Variants in SH3TC1 observed in about 807,000 individuals in gnomAD.
The protein encoded by SH3TC1 is SH3 domain and tetratricopeptide repeat-containing protein 1.
Under a neutral mutation model 117.3 loss-of-function variants are expected in SH3TC1, and 135 were observed. The ratio of observed to expected loss-of-function variants is 1.15; its 90% CI spans 1.00 to 1.33. The LOEUF (loss-of-function observed/expected upper bound fraction) is 1.33, where lower values mean the gene tolerates loss of function less well. Among genes scored for constraint, SH3TC1 ranks in the 40% most tolerant of loss-of-function variants. SH3TC1 has a pLI of 0.00. For missense variants in SH3TC1, 2,092 were observed against 1,794.3 expected, an observed-to-expected ratio of 1.17 and a Z score of -3.00; for synonymous variants, 898 against 816.9, an observed-to-expected ratio of 1.10 and a Z score of -1.69.
rs1421425859 is a variant in SH3TC1 at position 8,225,585 on chromosome 4, A to G, written c.1285+369A>G. 6.6e-6 allele frequency among the ~76,000 whole-genome samples: 1 copy of G among 152,114 alleles called. No individual in the cohort carries two copies. The highest frequency in any genetic ancestry group is 1.5e-5 in the Non-Finnish European group (1 of 68,018). ...AGAGATGGGAGGCCACACTGCCCTC[A>G]GTGGGTGGCAGAATTCAGAGCCTTA... On this transcript the variant is annotated intron_variant, in intron 11 of 17. Coordinates refer to ENST00000245105, the MANE Select transcript of SH3TC1 (RefSeq NM_018986.5). This position sits in a 1 kb window ranked among gnomAD's most constrained non-coding sequence, Gnocchi z 5.5.
chr4:8,197,185 C>T (rs529230288), upstream of SH3TC1, among the ~76,000 whole-genome samples: 3 of 152,108 alleles, frequency 2.0e-5, no homozygotes, highest in Non-Finnish European at 2.9e-5. Context: ...AAGACTGGAG[C>T]GATGCCACCT....
At chr4:8,200,767 C>T (rs1717780579) in intron 1 of SH3TC1, among the ~76,000 whole-genome samples, 1 of 152,238 alleles carries the variant, frequency 6.6e-6, no homozygotes, top group Admixed American at 6.5e-5. Context: ...TACTGGGCGG[C>T]TCCTCCCTGC....
chr4:8,235,943 C>G, intron 15 of SH3TC1: 1 of 379,632 alleles, frequency 2.6e-6, no homozygotes, highest in Non-Finnish European at 4.7e-6. Context: ...CGGCTTCCCC[C>G]TTCCTCTGAG....
At position 8,225,102 on chromosome 4, in the gene SH3TC1, A is replaced by T. The variant is rs1720336052; in HGVS notation, c.1244-73A>T. 1.3e-6 allele frequency: 2 copies of T among 1,574,322 alleles called. No individual in the cohort carries two copies. Among genetic ancestry groups the T allele is most frequent in the Non-Finnish European group, 1.7e-6 (2 of 1,149,422 alleles). On this transcript the variant is annotated intron_variant, in intron 10 of 17. Coordinates refer to ENST00000245105, the MANE Select transcript of SH3TC1 (RefSeq NM_018986.5). The surrounding 1 kb of genome is among the most constrained non-coding windows in gnomAD (Gnocchi z 5.5). The stretch of plus-strand genomic sequence containing the variant: ...AATGCTCTCACCCTGCAACATCGAC[A>T]CTAGCTCAACCTGGCAGGGGACCAG...
In SH3TC1 at chr4:8,222,361, G is replaced by T. The variant is rs1053147926; in HGVS notation, c.1113-479G>T. 9.3e-3 allele frequency among the ~76,000 whole-genome samples: 376 copies of T among 40,326 alleles called. 3 individuals are homozygous for T. Among genetic ancestry groups the T allele is most frequent in the Admixed American group, 0.032 (71 of 2,220 alleles). 26.5% of individuals were successfully genotyped at this position (40,326 alleles called of 152,430 possible). A position where few individuals can be genotyped will look rare whatever the true frequency, so the allele number is the denominator to read the frequency against. ...AGGCACCCCTTGAGGTCAGGATCTG[G>T]TTTTTTTTTTTTTTTTTTTTTTTTT... On this transcript the variant is annotated intron_variant, in intron 9 of 17. Coordinates refer to ENST00000245105, the MANE Select transcript of SH3TC1 (RefSeq NM_018986.5).
rs757139666 is a variant in SH3TC1 at position 8,227,911 on chromosome 4, C to T, written c.2217C>T (p.Gly739=). ...CVKVASLRTR[G]SLAGSLRSVN... ...AGGTGGCCTCATTGCGGACACGGGGCTCGCTGGCCGGCTCGCTGAGGAGTG... is the reference window on the plus strand; with the variant it reads ...AGGTGGCCTCATTGCGGACACGGGGTTCGCTGGCCGGCTCGCTGAGGAGTG... The change falls in exon 12 of 18, where the codon GGC becomes GGT. Residue 739 remains glycine (G), a synonymous_variant. Transcript: ENST00000245105. The T allele has an allele frequency of 2.5e-6, 4 of 1,612,672 alleles. No individual in the cohort carries two copies. The highest frequency in any genetic ancestry group is 2.5e-6 in the Non-Finnish European group (3 of 1,179,930).
intron 12 of SH3TC1, chr4:8,231,714 G>C: frequency 1.9e-6 from 1 of 516,586 alleles, no homozygotes; most frequent in Non-Finnish European, 3.4e-6. Flanking sequence ...GAGGGGCTTT[G>C]TGAAGCAGAA....
In SH3TC1 at chr4:8,217,139, G is replaced by T; in HGVS notation, c.811G>T (p.Ala271Ser). The change falls in exon 7 of 18, where the codon GCC becomes TCC. Residue 271 changes from alanine to serine, a missense_variant. Ala to Ser is a moderately conservative substitution (Grantham distance 99). Coordinates refer to ENST00000245105, the MANE Select transcript of SH3TC1 (RefSeq NM_018986.5). Reference sequence around the variant, plus strand: ...CTCCGAGGAGGTGGCAGTGGCGGCCGCCCCGGAGCCTTTGATTCCATTTCA... The same window carrying T: ...CTCCGAGGAGGTGGCAGTGGCGGCCTCCCCGGAGCCTTTGATTCCATTTCA... Reference protein sequence around the residue: ...VSSEEVAVAAAPEPLIPFHQW... With the variant: ...VSSEEVAVAASPEPLIPFHQW... The T allele has an allele frequency of 1.2e-6, 2 of 1,611,344 alleles. No individual in the cohort carries two copies. The highest frequency in any genetic ancestry group is 1.7e-6 in the Non-Finnish European group (2 of 1,179,002).
upstream of SH3TC1, among the ~76,000 whole-genome samples, chr4:8,194,306 G>A (rs1222340137): frequency 6.6e-6 from 1 of 152,222 alleles, no homozygotes; most frequent in Non-Finnish European, 1.5e-5. Context: ...AACAGATTTG[G>A]TAGCTTCTTT....
chr4:8,217,010 C>T lies in SH3TC1; in HGVS notation c.682C>T (p.Arg228Trp), dbSNP rs201294878. The change falls in exon 7 of 18, where the codon CGG (arginine) becomes TGG (tryptophan). Residue 228 changes from arginine (R) to tryptophan (W), a missense_variant. Arg to Trp is a moderately radical substitution (Grantham distance 101, BLOSUM62 -3). Transcript: ENST00000245105. ...DHHVRVMTGP[R>W]DAGNGPQALR... ...CCATGTGAGAGTGATGACGGGTCCC[C>T]GGGATGCAGGAAATGGCCCCCAGGC... 27 of 1,613,700 alleles carry T rather than the reference C, an allele frequency of 1.7e-5. No homozygotes were observed. The highest frequency in any genetic ancestry group is 1.7e-4 in the Middle Eastern group (1 of 6,056).
At chr4:8,204,386 C>T (rs1471081204) in intron 1 of SH3TC1, among the ~76,000 whole-genome samples, 1 of 152,166 alleles carries the variant, frequency 6.6e-6, no homozygotes, top group African/African-American at 2.4e-5. Flanking sequence ...CTTCTCACCA[C>T]ACATCAGGCA....
At position 8,206,912 on chromosome 4, in the gene SH3TC1, C is replaced by T. The variant is rs1047268257; in HGVS notation, c.172+1546C>T. 4.6e-5 allele frequency among the ~76,000 whole-genome samples: 7 copies of T among 151,066 alleles called. No homozygotes were observed. Among genetic ancestry groups the T allele is most frequent in the Non-Finnish European group, 1.0e-4 (7 of 67,914 alleles). ...TTGGGAGTAAATTGCAGACATGATG[C>T]CCCTTCATCCTAAAAGGTGTCCATA... On this transcript the variant is annotated intron_variant, in intron 2 of 17. Coordinates refer to ENST00000245105, the MANE Select transcript of SH3TC1 (RefSeq NM_018986.5). The surrounding 1 kb of genome is among the most constrained non-coding windows in gnomAD (Gnocchi z 5.5).
chr4:8,187,456 C>CCG (rs989157096), intron 1 of SH3TC1, among the ~76,000 whole-genome samples: 7 of 152,078 alleles, frequency 4.6e-5, no homozygotes, highest in Non-Finnish European at 1.0e-4. Flanking sequence ...TTCTTTTGCC[C>CCG]GGGGGGGTCT....
intron 10 of SH3TC1, among the ~76,000 whole-genome samples, chr4:8,224,376 T>C (rs1423204605): frequency 6.6e-6 from 1 of 152,212 alleles, no homozygotes; most frequent in Admixed American, 6.5e-5. Context: ...TCAGACCCCC[T>C]GGATGGTATC....
intron 4 of SH3TC1, among the ~76,000 whole-genome samples, chr4:8,213,803 C>A (rs1291568062): frequency 6.6e-6 from 1 of 151,354 alleles, no homozygotes; most frequent in African/African-American, 2.4e-5. Context: ...GGTGGATTAT[C>A]TGAGCCCAGG....
chr4:8,207,360 G>A (rs539038342), intron 2 of SH3TC1, among the ~76,000 whole-genome samples: 2 of 152,346 alleles, frequency 1.3e-5, no homozygotes, highest in South Asian at 4.1e-4. Context: ...GCGGCTGCCA[G>A]TTCTCCCCAC....
At chr4:8,221,824 C>T (rs1027285693) in intron 9 of SH3TC1, among the ~76,000 whole-genome samples, 3 of 152,170 alleles carry the variant, frequency 2.0e-5, no homozygotes, top group African/African-American at 4.8e-5. Flanking sequence ...TTTCAGACCA[C>T]GTGTTCTATT....
chr4:8,227,206 GT>G lies in SH3TC1; in HGVS notation c.1514del (p.Phe505SerfsTer2). 2 of 1,564,602 alleles carry G rather than the reference GT, an allele frequency of 1.3e-6. No homozygotes were observed. The highest frequency in any genetic ancestry group is 1.7e-6 in the Non-Finnish European group (2 of 1,152,286). On this transcript the variant is annotated frameshift_variant, in exon 12 of 18. Transcript: ENST00000245105. LOFTEE classifies it high-confidence loss of function. ...CAGAGGCCCTGAGCTCACTGCTGCT[GT>G]TCCTGAACGCCCCTGGGTACAAGGC... ...DPEALSSLLLFLNAPGYKASF... is the reference protein window; with the variant it reads ...DPEALSSLLLXLNAPGYKASF...
chr4:8,237,515 G>A lies in SH3TC1; in HGVS notation c.3598G>A (p.Ala1200Thr), dbSNP rs149203434. The A allele has an allele frequency of 5.1e-4, 819 of 1,604,380 alleles. 6 individuals are homozygous for A. In the Middle Eastern group the frequency reaches 0.018, roughly 36 times the overall value. Residue 1200 changes from alanine to threonine, a missense_variant, in exon 17 of 18, where the codon GCC becomes ACC. Ala to Thr is a moderately conservative substitution (Grantham distance 58). Transcript: ENST00000245105. Reference protein sequence around the residue: ...NERVAYHRLAALQHRLGHGEL... With the variant: ...NERVAYHRLATLQHRLGHGEL... The stretch of plus-strand genomic sequence containing the variant: ...GCGCGTGGCCTACCACCGGCTGGCC[G>A]CCCTGCAACACCGACTGGGCCATGG...
Sources: gnomAD v4.1 joint callset for allele counts (sites outside exome capture counted in the v4.1 genomes callset) on GRCh38, gnomAD v4.1.1 for gene constraint, Gnocchi (gnomAD v3.1) non-coding constraint, MANE v1.5 for transcripts, NCBI Gene and HGNC (gene_info 2026-07-23, HGNC 2026-07-21) for gene names.